Variants in LRBA observed in about 807,000 individuals in gnomAD.
The protein encoded by LRBA is LPS responsive beige-like anchor protein, also known as lipopolysaccharide-responsive and beige-like anchor protein.
In LRBA, 176 loss-of-function variants were observed where a neutral mutation model predicts 330.0. The observed-to-expected ratio is 0.53, with a 90% CI of 0.47 to 0.60. The LOEUF (loss-of-function observed/expected upper bound fraction) is 0.60. LRBA is among the 20% of genes least tolerant of loss of function. The pLI, the probability that LRBA is intolerant of heterozygous loss-of-function variation, is 0.00. For synonymous variants in LRBA, 1,230 were observed against 1,193.0 expected, an observed-to-expected ratio of 1.03 and a Z score of -0.64; for missense variants, 3,259 against 3,444.8, an observed-to-expected ratio of 0.95 and a Z score of 1.35.
chr4:150,344,425 T>C (rs547889661), intron 48 of LRBA, among the ~76,000 whole-genome samples: 34 of 152,368 alleles, frequency 2.2e-4, no homozygotes, highest in African/African-American at 7.9e-4. Context: ...AGATCACCAA[T>C]GACCTCTTAG....
At chr4:150,439,573 G>C (rs528761947) in intron 44 of LRBA, among the ~76,000 whole-genome samples, 4 of 152,142 alleles carry the variant, frequency 2.6e-5, no homozygotes, top group South Asian at 4.1e-4. Context: ...AGAAGTTACA[G>C]TGGGAATACA....
chr4:150,716,264 T>C (rs1728190613), intron 36 of LRBA, among the ~76,000 whole-genome samples: 1 of 152,116 alleles, frequency 6.6e-6, no homozygotes, highest in Non-Finnish European at 1.5e-5. Flanking sequence ...CTGGCCAAGA[T>C]GGTGAAACCC....
chr4:150,537,941 C>A (rs542173015), intron 40 of LRBA, among the ~76,000 whole-genome samples: 1 of 151,592 alleles, frequency 6.6e-6, no homozygotes, highest in African/African-American at 2.4e-5. Context: ...GGTGACAGAG[C>A]GAGACTCTGT....
At chr4:150,929,142 A>G (rs1382876787) in intron 2 of LRBA, 77 bp from the exon 3 acceptor site, 1 of 863,446 alleles carries the variant, frequency 1.2e-6, no homozygotes, top group Non-Finnish European at 1.8e-6. Context: ...TAAACATTAG[A>G]TTAACAATAA....
chr4:150,664,951 G>C (rs1479379717), intron 37 of LRBA, among the ~76,000 whole-genome samples: 2 of 152,060 alleles, frequency 1.3e-5, no homozygotes, highest in African/African-American at 4.8e-5. Flanking sequence ...GGACCCCTAA[G>C]ATACCATCAG....
chr4:150,918,526 A>T (rs1325516593), intron 5 of LRBA, among the ~76,000 whole-genome samples: 1 of 152,326 alleles, frequency 6.6e-6, no homozygotes, highest in African/African-American at 2.4e-5. Context: ...AGGCAGGTGG[A>T]TCACTTCAGG....
At chr4:150,687,611 C>T (rs887752312) in intron 36 of LRBA, among the ~76,000 whole-genome samples, 3 of 151,910 alleles carry the variant, frequency 2.0e-5, no homozygotes, top group African/African-American at 4.8e-5. Flanking sequence ...AGATTTATAA[C>T]CAAAGAATGA....
At chr4:150,979,554 CA>C (rs1740602965) in intron 2 of LRBA, among the ~76,000 whole-genome samples, 1 of 152,080 alleles carries the variant, frequency 6.6e-6, no homozygotes, top group Admixed American at 6.6e-5. Flanking sequence ...AAAAGATGAA[CA>C]CAGACACTAC....
At chr4:150,625,544 C>T (rs887865886) in intron 37 of LRBA, among the ~76,000 whole-genome samples, 2 of 152,000 alleles carry the variant, frequency 1.3e-5, no homozygotes, top group Non-Finnish European at 2.9e-5. Context: ...TGTTCACAAA[C>T]AATCTTGGGT....
At chr4:150,847,194 T>C (rs1233713122) in intron 26 of LRBA, among the ~76,000 whole-genome samples, 1 of 152,164 alleles carries the variant, frequency 6.6e-6, no homozygotes, top group Non-Finnish European at 1.5e-5. Context: ...ATTTCTTTTA[T>C]CTTCAATTTC....
At chr4:150,792,841 G>A (rs1740173703) in intron 34 of LRBA, among the ~76,000 whole-genome samples, 1 of 152,122 alleles carries the variant, frequency 6.6e-6, no homozygotes, top group South Asian at 2.1e-4. Context: ...AGCACTTTGG[G>A]AGGCCTAGGC....
At chr4:150,973,189 C>T (rs1739771962) in intron 2 of LRBA, among the ~76,000 whole-genome samples, 1 of 147,652 alleles carries the variant, frequency 6.8e-6, no homozygotes, top group Non-Finnish European at 1.5e-5. Context: ...TTTTTGGAGA[C>T]AAAGTTTTGC....
chr4:150,813,450 T>G (rs1009075055), intron 31 of LRBA, among the ~76,000 whole-genome samples: 1 of 152,224 alleles, frequency 6.6e-6, no homozygotes, highest in African/African-American at 2.4e-5. Flanking sequence ...AATTAAAATT[T>G]GAAATTTGAA....
At chr4:150,356,217 A>C (rs1737825561) in intron 47 of LRBA, among the ~76,000 whole-genome samples, 1 of 152,082 alleles carries the variant, frequency 6.6e-6, no homozygotes, top group Non-Finnish European at 1.5e-5. Flanking sequence ...TTTTGATTGA[A>C]TATGTGGATC....
intron 22 of LRBA, among the ~76,000 whole-genome samples, chr4:150,865,609 T>C (rs532102452): frequency 5.8e-4 from 88 of 152,256 alleles, no homozygotes; most frequent in African/African-American, 2.0e-3. Context: ...ATACTTTCTC[T>C]CAATGAAGAA....
At chr4:150,517,817 T>C (rs1412696791) in intron 40 of LRBA, among the ~76,000 whole-genome samples, 1 of 152,180 alleles carries the variant, frequency 6.6e-6, no homozygotes, top group Non-Finnish European at 1.5e-5. Flanking sequence ...TTAGGGGACA[T>C]CTGACACCAC....
intron 37 of LRBA, among the ~76,000 whole-genome samples, chr4:150,629,186 T>C (rs1481043973): frequency 6.6e-6 from 1 of 152,154 alleles, no homozygotes; most frequent in Non-Finnish European, 1.5e-5. Context: ...ACAGTTGTGG[T>C]CCACTGCATC....
chr4:150,994,647 G>A (rs1347571456), intron 2 of LRBA, among the ~76,000 whole-genome samples: 1 of 152,166 alleles, frequency 6.6e-6, no homozygotes, highest in Non-Finnish European at 1.5e-5. Context: ...TACTATTTTG[G>A]TAGTGGGGAA....
At chr4:150,982,658 A>G (rs763153681) in intron 2 of LRBA, among the ~76,000 whole-genome samples, 11 of 151,620 alleles carry the variant, frequency 7.3e-5, no homozygotes, top group Non-Finnish European at 7.4e-5. Flanking sequence ...TGTAATTTGC[A>G]TTTTTTACCA....
Sources: gnomAD v4.1 joint callset for allele counts (sites outside exome capture counted in the v4.1 genomes callset) on GRCh38, gnomAD v4.1.1 for gene constraint, MANE v1.5 for transcripts, NCBI Gene and HGNC (gene_info 2026-07-23, HGNC 2026-07-21) for gene names.